Variants in NAV3 observed in about 807,000 individuals in gnomAD.
NAV3 encodes the protein pore membrane and/or filament interacting like protein 1.
Under a neutral mutation model 244.7 loss-of-function variants are expected in NAV3, and 87 were observed. The ratio of observed to expected loss-of-function variants is 0.36; its 90% CI spans 0.30 to 0.42. The LOEUF is 0.42. NAV3 is among the 20% of genes least tolerant of loss of function. The pLI is 1.00. For missense variants in NAV3, 2,663 were observed against 2,893.3 expected (o/e 0.92, Z 1.83); for synonymous variants, 1,126 against 1,042.2 (o/e 1.08, Z -1.55).
At chr12:77,886,183 G>A (rs138411291) in intron 1 of NAV3, among the ~76,000 whole-genome samples, 67 of 152,192 alleles carry the variant, frequency 4.4e-4, no homozygotes, top group Middle Eastern at 3.4e-3. Context: ...CTCTATAGCC[G>A]CAGGGTTAAG....
chr12:77,829,848 C>G (rs1873417439), upstream of NAV3, among the ~76,000 whole-genome samples: 3 of 152,082 alleles, frequency 2.0e-5, no homozygotes, highest in Non-Finnish European at 2.9e-5. Context: ...AAACAGTAGG[C>G]CAAAGATGAC....
intron 3 of NAV3, among the ~76,000 whole-genome samples, chr12:77,944,543 T>C (rs1465440382): frequency 6.6e-6 from 1 of 152,130 alleles, no homozygotes; most frequent in Non-Finnish European, 1.5e-5. Flanking sequence ...TTGATGTATC[T>C]ATTAAAACAT....
At chr12:77,969,060 A>G (rs1459355267) in intron 5 of NAV3, among the ~76,000 whole-genome samples, 4 of 151,860 alleles carry the variant, frequency 2.6e-5, no homozygotes, top group African/African-American at 9.7e-5. Flanking sequence ...TCTTTCATTG[A>G]TATTTTTGAT....
intron 2 of NAV3, among the ~76,000 whole-genome samples, chr12:77,813,508 T>C (rs1872392385): frequency 6.6e-6 from 1 of 152,170 alleles, no homozygotes; most frequent in African/African-American, 2.4e-5. Context: ...TCACCAGATA[T>C]CATTGATTTA....
At chr12:77,943,546 C>T (rs915577572) in intron 3 of NAV3, among the ~76,000 whole-genome samples, 5 of 152,118 alleles carry the variant, frequency 3.3e-5, no homozygotes, top group Admixed American at 1.3e-4. Flanking sequence ...TTTGTGTAAG[C>T]ACTATTAGTG....
chr12:78,188,599 A>G lies in NAV3; in HGVS notation c.5887-10A>G, dbSNP rs758821230. ...TGTTTTGATTTTATTTTTTGTGTGT[A>G]CCATTGTAGGAATATGTATTCCGAA... On this transcript the variant is annotated splice_polypyrimidine_tract_variant and intron_variant, in intron 32 of 39. Coordinates refer to ENST00000397909, the MANE Select transcript of NAV3 (RefSeq NM_001024383.2). 8.1e-6 allele frequency: 13 copies of G among 1,607,130 alleles called. No individual in the cohort carries two copies. The African/African-American group carries it at 1.3e-4, about 17-fold the overall frequency.
At chr12:78,202,074 A>G (rs1196966059) in intron 38 of NAV3, among the ~76,000 whole-genome samples, 2 of 151,884 alleles carry the variant, frequency 1.3e-5, no homozygotes, top group Non-Finnish European at 2.9e-5. Flanking sequence ...AACACTTTTA[A>G]AGGTATGAGC....
At chr12:77,994,340 G>A (rs1871973358) in intron 5 of NAV3, among the ~76,000 whole-genome samples, 1 of 152,176 alleles carries the variant, frequency 6.6e-6, no homozygotes, top group African/African-American at 2.4e-5. Context: ...ATAATATTTA[G>A]ATTGAAAAAA....
chr12:78,100,899 C>T (rs976688703), intron 12 of NAV3, among the ~76,000 whole-genome samples: 1 of 152,040 alleles, frequency 6.6e-6, no homozygotes, highest in African/African-American at 2.4e-5. Flanking sequence ...ATTGCTCTTT[C>T]CTGTAATGTT....
intron 2 of NAV3, among the ~76,000 whole-genome samples, chr12:77,781,212 C>G (rs1426011912): frequency 6.6e-6 from 1 of 152,086 alleles, no homozygotes; most frequent in Non-Finnish European, 1.5e-5. Flanking sequence ...CTTTTCTCAG[C>G]CAAGGGCATT....
chr12:77,689,719 C>A (rs1308379330), intron 2 of NAV3, among the ~76,000 whole-genome samples: 2 of 151,840 alleles, frequency 1.3e-5, no homozygotes, highest in Admixed American at 6.6e-5. Context: ...ATCATCAAAT[C>A]ACCATTACTA....
Position 77,614,082 on chromosome 12 carries a change from T to C in NAV3, c.72+41816T>C, listed in dbSNP as rs1871049702. On this transcript the variant is annotated intron_variant, in intron 2 of 8. Transcript: ENST00000550042. ...CTTTCTTTTCTTTCTCTCTTTTTTT[T>C]TTTTTTTTTTTTTTTTTTTAACACA... Among the ~76,000 whole-genome samples, 7 of 143,168 alleles carry C rather than the reference T, an allele frequency of 4.9e-5. No homozygotes were observed. In the South Asian group the frequency reaches 1.6e-3, roughly 33 times the overall value. 93.9% of individuals were successfully genotyped at this position (143,168 alleles called of 152,430 possible).
intron 2 of NAV3, among the ~76,000 whole-genome samples, chr12:77,719,810 A>C (rs546866460): frequency 9.2e-5 from 14 of 152,246 alleles, no homozygotes; most frequent in African/African-American, 3.4e-4. Flanking sequence ...TGGCTTCCTA[A>C]AATGAGTTTG....
chr12:77,814,260 CTAA>C (rs961498778), intron 2 of NAV3, among the ~76,000 whole-genome samples: 1 of 151,996 alleles, frequency 6.6e-6, no homozygotes, highest in Admixed American at 6.6e-5. Flanking sequence ...AAAAAAAACT[CTAA>C]TGTTGATACA....
At chr12:78,161,798 A>G (rs1194314677) in intron 23 of NAV3, among the ~76,000 whole-genome samples, 2 of 152,124 alleles carry the variant, frequency 1.3e-5, no homozygotes, top group Non-Finnish European at 2.9e-5. Flanking sequence ...TAACTTGCCT[A>G]TTCTCAAAGT....
intron 3 of NAV3, among the ~76,000 whole-genome samples, chr12:77,952,399 T>C (rs1369076700): frequency 2.0e-5 from 3 of 152,168 alleles, no homozygotes; most frequent in Admixed American, 2.0e-4. Context: ...CAGATATCAA[T>C]TGACTATATT....
At chr12:77,967,907 C>T (rs1469604736) in intron 4 of NAV3, among the ~76,000 whole-genome samples, 1 of 151,936 alleles carries the variant, frequency 6.6e-6, no homozygotes, top group African/African-American at 2.4e-5. Flanking sequence ...ATTGATATGT[C>T]TGCTTTTGGA....
intron 2 of NAV3, among the ~76,000 whole-genome samples, chr12:77,671,816 C>T (rs1214604501): frequency 1.3e-5 from 2 of 151,992 alleles, no homozygotes; most frequent in African/African-American, 2.4e-5. Context: ...TGGAAGATAA[C>T]GTCAGAAAAA....
chr12:77,622,439 T>C (rs1871415127), intron 2 of NAV3, among the ~76,000 whole-genome samples: 1 of 151,710 alleles, frequency 6.6e-6, no homozygotes, highest in African/African-American at 2.4e-5. Flanking sequence ...GATTACAGGC[T>C]TGAGACACCG....
Sources: allele counts gnomAD v4.1 joint callset (sites outside exome capture counted in the v4.1 genomes callset), GRCh38; gene constraint gnomAD v4.1.1; transcripts MANE v1.5; gene names NCBI Gene and HGNC (gene_info 2026-07-23, HGNC 2026-07-21).